The following DMRT1 variants were observed in gnomAD, a reference collection of about 807,000 sequenced individuals.
DMRT1 encodes the protein doublesex and mab-3 related transcription factor 1.
DMRT1 carries 7 observed loss-of-function variants against 32.3 expected under a neutral mutation model. The ratio of observed to expected loss-of-function variants is 0.22; its 90% CI spans 0.12 to 0.41. DMRT1 has a LOEUF of 0.41. DMRT1 is among the 10% of genes least tolerant of loss of function. The pLI, the probability that DMRT1 is intolerant of heterozygous loss-of-function variation, is 1.00. For missense variants in DMRT1, 625 were observed against 500.5 expected (o/e 1.25, Z -2.37); for synonymous variants, 278 against 206.1 (o/e 1.35, Z -2.99).
At chr9:894,526 G>A in intron 3 of DMRT1, 1 of 374,040 alleles carries the variant, frequency 2.7e-6, no homozygotes, top group Non-Finnish European at 5.1e-6. Context: ...TAAATAACCA[G>A]TTGGGCACAG....
intron 3 of DMRT1, 55 bp downstream of exon 3, chr9:894,250 T>C (rs1161819813): frequency 6.4e-7 from 1 of 1,559,178 alleles, no homozygotes; most frequent in Non-Finnish European, 8.8e-7. Flanking sequence ...CACATGCATG[T>C]GCACACACAT....
chr9:967,962 T>G (rs1249147272), intron 4 of DMRT1, 23 bp from the exon 5 acceptor site: 7 of 1,612,070 alleles, frequency 4.3e-6, no homozygotes, highest in Non-Finnish European at 5.1e-6. Flanking sequence ...CTTTCTCTCT[T>G]TCTCTCTCAC....
intron 2 of DMRT1, among the ~76,000 whole-genome samples, chr9:862,206 G>C (rs1815739668): frequency 6.6e-6 from 1 of 151,548 alleles, no homozygotes; most frequent in African/African-American, 2.4e-5. Context: ...CTCCAGCCTG[G>C]GCAACACTGA....
chr9:851,387 C>T (rs982850619), intron 2 of DMRT1, among the ~76,000 whole-genome samples: 6 of 151,704 alleles, frequency 4.0e-5, no homozygotes, highest in South Asian at 4.2e-4. Context: ...TACAGGCGTG[C>T]GTGGCGATGC....
At chr9:864,361 G>T (rs540491904) in intron 2 of DMRT1, among the ~76,000 whole-genome samples, 121 of 151,430 alleles carry the variant, frequency 8.0e-4, no homozygotes, top group African/African-American at 2.9e-3. Context: ...CTGCCACCAC[G>T]TTTGGCTAAT....
chr9:874,638 C>T (rs1263019054), intron 2 of DMRT1, among the ~76,000 whole-genome samples: 1 of 152,072 alleles, frequency 6.6e-6, no homozygotes, highest in African/African-American at 2.4e-5. Flanking sequence ...GTACCCCTTT[C>T]TTCAAATCTT....
intron 2 of DMRT1, 91 bp downstream of exon 2, chr9:847,234 A>G: frequency 2.2e-6 from 3 of 1,360,854 alleles, no homozygotes; most frequent in Non-Finnish European, 3.1e-6. Flanking sequence ...CCTGAGCTAC[A>G]TACAGTGTTT....
intron 2 of DMRT1, among the ~76,000 whole-genome samples, chr9:859,970 C>A (rs961258905): frequency 1.3e-5 from 2 of 152,180 alleles, no homozygotes; most frequent in African/African-American, 2.4e-5. Context: ...CGTTAACTAC[C>A]CGTTAACTCT....
chr9:848,627 C>T (rs1235885586), intron 2 of DMRT1, among the ~76,000 whole-genome samples: 1 of 145,666 alleles, frequency 6.9e-6, no homozygotes, highest in Non-Finnish European at 1.5e-5. Flanking sequence ...GATCTTGGCT[C>T]ACTGCAACCT....
Position 926,687 on chromosome 9 carries a change from T to G in DMRT1, c.967+9780T>G, listed in dbSNP as rs4369043. Among the ~76,000 whole-genome samples the G allele has an allele frequency of 6.5e-3, 179 of 27,636 alleles. 3 individuals are homozygous for G. In the South Asian group the frequency reaches 0.3, roughly 46 times the overall value. The allele number at this position is 27,636 out of a possible 152,430, so 18.1% of individuals were successfully genotyped here. Reference sequence around the variant, plus strand: ...GATTGCAGCCTAGAGAAGACACAGGTAGAGAGAGAGAGAGAGAGAGAGAGA... The same window carrying G: ...GATTGCAGCCTAGAGAAGACACAGGGAGAGAGAGAGAGAGAGAGAGAGAGA... On this transcript the variant is annotated intron_variant, in intron 4 of 4. Transcript: ENST00000382276.
At chr9:851,065 A>T (rs1839128760) in intron 2 of DMRT1, among the ~76,000 whole-genome samples, 1 of 148,764 alleles carries the variant, frequency 6.7e-6, no homozygotes, top group Non-Finnish European at 1.5e-5. Flanking sequence ...ATAGACGTGG[A>T]AGGCTACGAT....
At chr9:846,859 A>C in intron 1 of DMRT1, 101 bp from the exon 2 acceptor site, 17 of 1,403,912 alleles carry the variant, frequency 1.2e-5, no homozygotes, top group East Asian at 2.3e-5. Context: ...CCTCACCTCC[A>C]GAGCTAGTGA....
intron 4 of DMRT1, among the ~76,000 whole-genome samples, chr9:946,617 A>G (rs977352175): frequency 1.3e-5 from 2 of 152,232 alleles, no homozygotes; most frequent in Non-Finnish European, 2.9e-5. Flanking sequence ...GCTTTTGTAC[A>G]AACAGAGGTT....
At chr9:929,855 G>T (rs549431344) in intron 4 of DMRT1, among the ~76,000 whole-genome samples, 1 of 152,218 alleles carries the variant, frequency 6.6e-6, no homozygotes, top group South Asian at 2.1e-4. Flanking sequence ...GCCAGTTAGT[G>T]TCTGGGCCTA....
chr9:870,028 TTTC>T (rs1469147623), intron 2 of DMRT1, among the ~76,000 whole-genome samples: 1 of 152,144 alleles, frequency 6.6e-6, no homozygotes, highest in Non-Finnish European at 1.5e-5. Flanking sequence ...AACGAATAAG[TTTC>T]TTAAGTTTTT....
intron 4 of DMRT1, among the ~76,000 whole-genome samples, chr9:919,471 T>C (rs1818288103): frequency 6.6e-6 from 1 of 152,182 alleles, no homozygotes; most frequent in Non-Finnish European, 1.5e-5. Flanking sequence ...GTGTTACTGC[T>C]TTTTAATGCT....
At chr9:879,415 C>A (rs922258421) in intron 2 of DMRT1, among the ~76,000 whole-genome samples, 4 of 152,186 alleles carry the variant, frequency 2.6e-5, no homozygotes, top group Admixed American at 2.6e-4. Context: ...GGCATTGTTT[C>A]ACATTTTTGC....
intron 2 of DMRT1, among the ~76,000 whole-genome samples, chr9:863,411 T>C (rs1387605068): frequency 6.6e-6 from 1 of 151,714 alleles, no homozygotes; most frequent in African/African-American, 2.4e-5. Context: ...CAGGAGAGTT[T>C]CCAGGCTTGA....
At chr9:934,972 C>T (rs765024026) in intron 4 of DMRT1, among the ~76,000 whole-genome samples, 5 of 152,162 alleles carry the variant, frequency 3.3e-5, no homozygotes, top group Non-Finnish European at 7.4e-5. Flanking sequence ...TCTCTCCCAG[C>T]TGTCTCAACT....
Sources: gnomAD v4.1 joint callset for allele counts (sites outside exome capture counted in the v4.1 genomes callset) on GRCh38, gnomAD v4.1.1 for gene constraint, MANE v1.5 for transcripts, NCBI Gene and HGNC (gene_info 2026-07-23, HGNC 2026-07-21) for gene names.